Variants in METTL15 observed in about 807,000 individuals in gnomAD.
METTL15 encodes 12S rRNA N(4)-cytidine methyltransferase METTL15.
A neutral mutation model predicts 38.3 loss-of-function variants in METTL15; 34 were observed. That is an observed-to-expected ratio of 0.89 (90% confidence interval 0.68 to 1.18). The LOEUF (loss-of-function observed/expected upper bound fraction) is 1.18, where lower values mean the gene tolerates loss of function less well. Ranked by LOEUF, METTL15 falls within the 50% of genes most tolerant of loss-of-function variation. The probability of loss-of-function intolerance (pLI) is 0.00; values close to 1 mark genes in which losing one functional copy is unlikely to be tolerated. For missense variants in METTL15, 438 were observed against 498.4 expected (o/e 0.88, Z 1.15); for synonymous variants, 162 against 170.9 (o/e 0.95, Z 0.41).
intron 5 of METTL15, among the ~76,000 whole-genome samples, chr11:28,388,988 A>G (rs1026562646): frequency 6.6e-6 from 1 of 152,054 alleles, no homozygotes; most frequent in Non-Finnish European, 1.5e-5. Context: ...AGCTTCATCC[A>G]TGTCCCTACA....
chr11:28,165,024 C>G (rs1164023987), intron 3 of METTL15, among the ~76,000 whole-genome samples: 1 of 152,078 alleles, frequency 6.6e-6, no homozygotes, highest in Non-Finnish European at 1.5e-5. Context: ...AAATTTTCTT[C>G]TTTTTAAAAG....
chr11:28,208,403 C>T (rs1852463188), intron 3 of METTL15, among the ~76,000 whole-genome samples: 1 of 152,064 alleles, frequency 6.6e-6, no homozygotes, highest in Non-Finnish European at 1.5e-5. Context: ...GTTCAGTTTC[C>T]ATGTAGTTGA....
intron 6 of METTL15, among the ~76,000 whole-genome samples, chr11:28,484,435 T>C (rs1851421274): frequency 1.3e-5 from 2 of 152,170 alleles, no homozygotes; most frequent in South Asian, 4.1e-4. Flanking sequence ...GAAGAAATGC[T>C]CCAGTGGATG....
At chr11:28,275,244 C>G (rs1394455761) in intron 4 of METTL15, among the ~76,000 whole-genome samples, 4 of 150,786 alleles carry the variant, frequency 2.7e-5, no homozygotes, top group South Asian at 2.1e-4. Flanking sequence ...AAAAAAGACC[C>G]AAATAAACAA....
At chr11:28,215,432 G>A (rs979030578) in intron 4 of METTL15, among the ~76,000 whole-genome samples, 1 of 151,992 alleles carries the variant, frequency 6.6e-6, no homozygotes, top group Non-Finnish European at 1.5e-5. Context: ...ATCTAGTGTG[G>A]CTCGCCTCTG....
intron 2 of METTL15, among the ~76,000 whole-genome samples, chr11:28,111,276 T>C (rs944857632): frequency 1.3e-5 from 2 of 152,328 alleles, no homozygotes; most frequent in Admixed American, 6.5e-5. Flanking sequence ...TTGTTTGTTT[T>C]TCCCCCGCTA....
At chr11:28,515,669 G>A (rs908718170) in intron 6 of METTL15, among the ~76,000 whole-genome samples, 1 of 152,188 alleles carries the variant, frequency 6.6e-6, no homozygotes, top group African/African-American at 2.4e-5. Context: ...TGGCAATAAG[G>A]CATAAAGTAT....
intron 5 of METTL15, among the ~76,000 whole-genome samples, chr11:28,406,569 A>C (rs1229080555): frequency 1.3e-5 from 2 of 152,122 alleles, no homozygotes; most frequent in Non-Finnish European, 2.9e-5. Flanking sequence ...AATAATAATA[A>C]AAAGAAGCTT....
chr11:28,343,000 A>C (rs1340417834), intron 3 of METTL15, among the ~76,000 whole-genome samples: 1 of 152,306 alleles, frequency 6.6e-6, no homozygotes, highest in East Asian at 1.9e-4. Context: ...GAAAAAGAGA[A>C]TATGTCCTCT....
Position 28,151,004 on chromosome 11 carries a change from A to T in METTL15, c.270+37400A>T, listed in dbSNP as rs546223396. Among the ~76,000 whole-genome samples, 523 of 111,450 alleles carry T rather than the reference A, an allele frequency of 4.7e-3. 6 individuals carry two copies. The highest frequency in any genetic ancestry group is 0.021 in the African/African-American group (491 of 23,434). 73.1% of individuals were successfully genotyped at this position (111,450 alleles called of 152,430 possible). On this transcript the variant is annotated intron_variant, in intron 3 of 6. Coordinates refer to ENST00000407364, the MANE Select transcript of METTL15 (RefSeq NM_001113528.2). ...TCCCATCTGTTCAGAGGCAACAGTG[A>T]CCAAAAAAAAAAAAAAAAAAAGAAA...
intron 5 of METTL15, among the ~76,000 whole-genome samples, chr11:28,422,556 A>T (rs1850829485): frequency 6.6e-6 from 1 of 152,054 alleles, no homozygotes; most frequent in Non-Finnish European, 1.5e-5. Context: ...TCTACAGTGA[A>T]CTGATTTTCC....
rs1851802223 is a variant in METTL15 at position 28,194,122 on chromosome 11, A to ATCTTTCTTTCTTTC, written c.271-16938_271-16925dup. Among the ~76,000 whole-genome samples, 3 of 99,078 alleles carry ATCTTTCTTTCTTTC rather than the reference A, an allele frequency of 3.0e-5. 1 individual carries two copies. In the South Asian group the frequency reaches 1.1e-3, roughly 38 times the overall value. 65.0% of individuals were successfully genotyped at this position (99,078 alleles called of 152,430 possible). A position where few individuals can be genotyped will look rare whatever the true frequency, so the allele number is the denominator to read the frequency against. On this transcript the variant is annotated intron_variant, in intron 3 of 6. Transcript: ENST00000407364. Reference sequence around the variant, plus strand: ...AGGACTTTACTTGCTTTGATGGTTGATCTTTCTTTCTTTCTTTCTTTCTTT... The same window carrying ATCTTTCTTTCTTTC: ...AGGACTTTACTTGCTTTGATGGTTGATCTTTCTTTCTTTCTCTTTCTTTCTTTCTTTCTTTCTTT...
chr11:28,165,282 T>C (rs890556602), intron 3 of METTL15, among the ~76,000 whole-genome samples: 8 of 152,264 alleles, frequency 5.3e-5, no homozygotes, highest in Middle Eastern at 6.8e-3. Flanking sequence ...ATGGTTGTAT[T>C]AATTTATCTT....
chr11:28,324,168 A>C (rs1849559500), intron 6 of METTL15, among the ~76,000 whole-genome samples: 1 of 152,214 alleles, frequency 6.6e-6, no homozygotes, highest in African/African-American at 2.4e-5. Context: ...TATTTTGAAG[A>C]ATTGAGAAAA....
chr11:28,396,815 G>T (rs1446508328), intron 5 of METTL15, among the ~76,000 whole-genome samples: 1 of 152,104 alleles, frequency 6.6e-6, no homozygotes, highest in African/African-American at 2.4e-5. Context: ...AAAGCTGGAG[G>T]CATCCTGCTA....
intron 3 of METTL15, among the ~76,000 whole-genome samples, chr11:28,154,572 G>A (rs560456840): frequency 2.0e-5 from 3 of 152,094 alleles, no homozygotes; most frequent in Non-Finnish European, 4.4e-5. Flanking sequence ...TATTAGATAA[G>A]TACTTGAATA....
At chr11:28,195,502 T>C (rs953761448) in intron 3 of METTL15, among the ~76,000 whole-genome samples, 3 of 152,082 alleles carry the variant, frequency 2.0e-5, no homozygotes, top group African/African-American at 7.2e-5. Context: ...TGGCCATTTG[T>C]ATATCATCTT....
At chr11:28,453,120 A>G (rs1032141029) in intron 6 of METTL15, among the ~76,000 whole-genome samples, 1 of 152,310 alleles carries the variant, frequency 6.6e-6, no homozygotes, top group African/African-American at 2.4e-5. Context: ...TTTTAATACC[A>G]GAATCTCCCT....
rs373865067 is a variant in METTL15 at position 28,302,293 on chromosome 11, T to G, written c.778+5362T>G. On this transcript the variant is annotated intron_variant, in intron 6 of 6. Coordinates refer to ENST00000407364, the MANE Select transcript of METTL15 (RefSeq NM_001113528.2). The stretch of plus-strand genomic sequence containing the variant: ...AGAAAAGCTCTGCTTTTAGAATGTT[T>G]GGATTCAGTAAAATAACTTCAACGT... 2.4e-4 allele frequency among the ~76,000 whole-genome samples: 37 copies of G among 152,276 alleles called. No individual in the cohort carries two copies. In the South Asian group the frequency reaches 7.5e-3, roughly 31 times the overall value.
Sources: allele counts gnomAD v4.1 joint callset (sites outside exome capture counted in the v4.1 genomes callset), GRCh38; gene constraint gnomAD v4.1.1; transcripts MANE v1.5; gene names NCBI Gene and HGNC (gene_info 2026-07-23, HGNC 2026-07-21).